Variants in EFCAB11 observed in about 807,000 individuals in gnomAD.
The protein encoded by EFCAB11 is EF-hand calcium-binding domain-containing protein 11.
In EFCAB11, 14 loss-of-function variants were observed where a neutral mutation model predicts 23.0. The observed-to-expected ratio is 0.61, with a 90% confidence interval of 0.40 to 0.95. EFCAB11 has a LOEUF of 0.95. Ranked by LOEUF, EFCAB11 falls within the 40% of genes least tolerant of loss-of-function variation. The pLI, the probability that EFCAB11 is intolerant of heterozygous loss-of-function variation, is 0.00. For synonymous variants in EFCAB11, 65 were observed against 66.6 expected, an observed-to-expected ratio of 0.98 and a Z score of 0.11; for missense variants, 198 against 195.8, an observed-to-expected ratio of 1.01 and a Z score of -0.07.
At chr14:89,864,076 G>C (rs1479750171) in intron 5 of EFCAB11, among the ~76,000 whole-genome samples, 1 of 152,078 alleles carries the variant, frequency 6.6e-6, no homozygotes, top group Non-Finnish European at 1.5e-5. Flanking sequence ...TAAATAACTA[G>C]TTCTAAATAA....
intron 5 of EFCAB11, among the ~76,000 whole-genome samples, chr14:89,883,529 T>C (rs1019337738): frequency 2.0e-5 from 3 of 152,190 alleles, no homozygotes; most frequent in Non-Finnish European, 4.4e-5. Context: ...TAATGCCTAA[T>C]ACATTGTAAA....
At chr14:89,842,601 TG>T (rs1887302788) in intron 5 of EFCAB11, among the ~76,000 whole-genome samples, 1 of 25,644 alleles carries the variant, frequency 3.9e-5, no homozygotes, top group Non-Finnish European at 9.1e-5. Flanking sequence ...TGATATAATA[TG>T]ATATGATATG....
At chr14:89,910,931 G>A (rs955654178) in intron 5 of EFCAB11, among the ~76,000 whole-genome samples, 1 of 152,158 alleles carries the variant, frequency 6.6e-6, no homozygotes, top group African/African-American at 2.4e-5. Flanking sequence ...GAGAACTGGA[G>A]ACAATGTAGT....
intron 5 of EFCAB11, among the ~76,000 whole-genome samples, chr14:89,894,087 C>T (rs955584643): frequency 6.6e-6 from 1 of 151,908 alleles, no homozygotes; most frequent in African/African-American, 2.4e-5. Flanking sequence ...TCACGCCATT[C>T]TCCTGTGCCC....
chr14:89,815,645 C>T (rs567134852), intron 5 of EFCAB11, among the ~76,000 whole-genome samples: 4 of 152,104 alleles, frequency 2.6e-5, no homozygotes, highest in African/African-American at 9.6e-5. Flanking sequence ...AGGATGGTCT[C>T]GAACTCCTGA....
intron 2 of EFCAB11, 127 bp from the exon 3 acceptor site, chr14:89,950,269 A>G: frequency 1.1e-6 from 1 of 936,684 alleles, no homozygotes; most frequent in Non-Finnish European, 1.5e-6. Context: ...CCAAGCAGAC[A>G]AGTAATGATA....
intron 3 of EFCAB11, among the ~76,000 whole-genome samples, chr14:89,939,347 G>A (rs1282358446): frequency 6.6e-6 from 1 of 152,124 alleles, no homozygotes. Context: ...CAGCATGATA[G>A]CTGATATATT....
At chr14:89,918,409 C>T (rs186759876) in intron 5 of EFCAB11, among the ~76,000 whole-genome samples, 1 of 151,878 alleles carries the variant, frequency 6.6e-6, no homozygotes, top group East Asian at 1.9e-4. Flanking sequence ...CATGGTAGCA[C>T]ACGTCTGTAA....
At chr14:89,934,506 T>C (rs2139815063) in intron 3 of EFCAB11, among the ~76,000 whole-genome samples, 1 of 152,256 alleles carries the variant, frequency 6.6e-6, no homozygotes, top group Non-Finnish European at 1.5e-5. Flanking sequence ...GTGTGAAGTG[T>C]TCAGTGCTCT....
chr14:89,841,404 A>G (rs1470170262), intron 5 of EFCAB11, among the ~76,000 whole-genome samples: 2 of 144,618 alleles, frequency 1.4e-5, no homozygotes, highest in African/African-American at 5.2e-5. Flanking sequence ...TCTCTCCCCT[A>G]CTGCCTTCAT....
chr14:89,853,171 A>G (rs1346518134), intron 5 of EFCAB11, among the ~76,000 whole-genome samples: 1 of 152,246 alleles, frequency 6.6e-6, no homozygotes, highest in Non-Finnish European at 1.5e-5. Context: ...AAACACAAGC[A>G]ACAAATAACA....
chr14:89,953,868 T>C, intron 2 of EFCAB11, 38 bp downstream of exon 2: 1 of 1,548,502 alleles, frequency 6.5e-7, no homozygotes, highest in African/African-American at 1.4e-5. Flanking sequence ...TCACCTTTGA[T>C]CGTCTACCCC....
chr14:89,938,737 C>T, intron 3 of EFCAB11, among the ~76,000 whole-genome samples: 1 of 151,942 alleles, frequency 6.6e-6, no homozygotes, highest in East Asian at 1.9e-4. Context: ...GCCTGGCCAA[C>T]ATGGTAAAAC....
chr14:89,941,295 C>T (rs933438995), intron 3 of EFCAB11, among the ~76,000 whole-genome samples: 1 of 152,186 alleles, frequency 6.6e-6, no homozygotes, highest in African/African-American at 2.4e-5. Flanking sequence ...CTATAGAGAA[C>T]ATGGTGATTT....
intron 5 of EFCAB11, among the ~76,000 whole-genome samples, chr14:89,814,697 T>C (rs1596378883): frequency 1.4e-5 from 2 of 146,008 alleles, no homozygotes; most frequent in African/African-American, 2.6e-5. Flanking sequence ...AGAGCGAAAC[T>C]CCCTTTCAAA....
chr14:89,893,042 T>C (rs1356178392), intron 5 of EFCAB11, among the ~76,000 whole-genome samples: 2 of 152,130 alleles, frequency 1.3e-5, no homozygotes, highest in Admixed American at 1.3e-4. Context: ...ACGAATGAGA[T>C]AGTGGACAGG....
rs146514125 is a variant in EFCAB11 at position 89,813,892 on chromosome 14, C to T, written c.411-16568G>A. 9.8e-4 allele frequency among the ~76,000 whole-genome samples: 149 copies of T among 152,210 alleles called. 2 individuals are homozygous for T. The East Asian group carries it at 0.024, about 25-fold the overall frequency. ...CGGGCAGAACTTTTAGAGAAACAAC[C>T]GTGCTTGACTTCTGCGGAGAAGGAA... On this transcript the variant is annotated intron_variant, in intron 5 of 5. Coordinates refer to ENST00000316738, the MANE Select transcript of EFCAB11 (RefSeq NM_145231.4).
At chr14:89,937,515 T>C (rs1047186982) in intron 3 of EFCAB11, among the ~76,000 whole-genome samples, 4 of 152,084 alleles carry the variant, frequency 2.6e-5, no homozygotes, top group East Asian at 1.9e-4. Context: ...TGGACTCTCT[T>C]CATGTTCTAT....
At chr14:89,812,987 C>G (rs1251153633) in intron 5 of EFCAB11, among the ~76,000 whole-genome samples, 1 of 151,862 alleles carries the variant, frequency 6.6e-6, no homozygotes, top group African/African-American at 2.4e-5. Flanking sequence ...AAAATAGAAA[C>G]AAGTAAATGT....
Sources: gnomAD v4.1 joint callset for allele counts (sites outside exome capture counted in the v4.1 genomes callset) on GRCh38, gnomAD v4.1.1 for gene constraint, MANE v1.5 for transcripts, NCBI Gene and HGNC (gene_info 2026-07-23, HGNC 2026-07-21) for gene names.